Variants in UBXN11 observed in about 807,000 individuals in gnomAD.
UBXN11 encodes UBX domain protein 11.
In UBXN11, 47 loss-of-function variants were observed where a neutral mutation model predicts 62.8. The ratio of observed to expected loss-of-function variants is 0.75; its 90% CI spans 0.59 to 0.95. The LOEUF is 0.95. Among genes scored for constraint, UBXN11 ranks in the 40% least tolerant of loss-of-function variants. The pLI, the probability that UBXN11 is intolerant of heterozygous loss-of-function variation, is 0.00. For synonymous variants in UBXN11, 294 were observed against 267.0 expected (o/e 1.10, Z -0.99); for missense variants, 638 against 661.7 (o/e 0.96, Z 0.39).
intron 3 of UBXN11, 39 bp downstream of exon 3, chr1:26,301,655 A>C: frequency 6.2e-7 from 1 of 1,611,972 alleles, no homozygotes; most frequent in Non-Finnish European, 8.5e-7. Flanking sequence ...GTGCAAGCAC[A>C]TGAGAGGCGA....
intron 1 of UBXN11, among the ~76,000 whole-genome samples, chr1:26,316,596 A>C (rs973945515): frequency 3.3e-5 from 5 of 152,164 alleles, no homozygotes; most frequent in Non-Finnish European, 7.4e-5. Flanking sequence ...TCAAGGTCAA[A>C]TGAGACTGGC....
At chr1:26,289,227 T>C in intron 8 of UBXN11, among the ~76,000 whole-genome samples, 1 of 152,116 alleles carries the variant, frequency 6.6e-6, no homozygotes, top group East Asian at 1.9e-4. Flanking sequence ...ACGATAAAAG[T>C]TTCCACACTT....
chr1:26,305,980 A>C (rs1437149114), intron 1 of UBXN11, among the ~76,000 whole-genome samples: 1 of 152,176 alleles, frequency 6.6e-6, no homozygotes, highest in Non-Finnish European at 1.5e-5. Flanking sequence ...AGTCCGACAC[A>C]TTGTCTCCAG....
rs765119218 is a variant in UBXN11 at position 26,294,205 on chromosome 1, C to T, written c.559G>A (p.Gly187Arg). ...WMTAKKFWKP[G>R]DSLAPPEVDF... Reference sequence around the variant, plus strand: ...GCCTGGGGCAGACGCCCTGCTCTACCTGGCTTCCAGAACTTCTTGGCTGTC... The same window carrying T: ...GCCTGGGGCAGACGCCCTGCTCTACTTGGCTTCCAGAACTTCTTGGCTGTC... Residue 187 changes from glycine to arginine, a missense_variant and splice_region_variant, in exon 8 of 15, where the codon GGG becomes AGG. Physicochemically the swap from Gly to Arg is moderately radical, Grantham distance 125 (BLOSUM62 -2). Coordinates refer to ENST00000374222, the MANE Select transcript of UBXN11 (RefSeq NM_001389556.1). 7 of 1,613,852 alleles carry T rather than the reference C, an allele frequency of 4.3e-6. No homozygotes were observed. In the Admixed American group the frequency reaches 6.7e-5, roughly 15 times the overall value.
chr1:26,309,251 T>C (rs554162639), upstream of UBXN11, among the ~76,000 whole-genome samples: 4 of 134,788 alleles, frequency 3.0e-5, no homozygotes, highest in East Asian at 8.7e-4. Flanking sequence ...ATTGATTTTT[T>C]TTTTTTTTGA....
upstream of UBXN11, among the ~76,000 whole-genome samples, chr1:26,311,376 A>G (rs6598960): frequency 0.87 from 132,311 of 151,428 alleles, 58,742 homozygotes; most frequent in Non-Finnish European, 0.93. Flanking sequence ...TCCTGACCTC[A>G]TGATCCACCC....
At chr1:26,302,759 ATAG>A in intron 2 of UBXN11, 51 bp downstream of exon 2, 1 of 1,578,574 alleles carries the variant, frequency 6.3e-7, no homozygotes, top group Non-Finnish European at 8.7e-7. Flanking sequence ...CCATGGAAGG[ATAG>A]AAGAGGATAC....
intron 5 of UBXN11, 120 bp from the exon 6 acceptor site, chr1:26,297,601 T>A: frequency 8.2e-7 from 1 of 1,223,764 alleles, no homozygotes; most frequent in Non-Finnish European, 1.1e-6. Flanking sequence ...CTGCCACCCT[T>A]TGGCACAGCC....
chr1:26,318,032 C>T lies in UBXN11; in HGVS notation c.-149+15G>A, dbSNP rs752492471. The T allele has an allele frequency of 1.3e-5, 21 of 1,614,214 alleles. No individual in the cohort carries two copies. The Admixed American group carries it at 3.3e-4, about 26-fold the overall frequency. On this transcript the variant is annotated intron_variant, in intron 1 of 14. Coordinates refer to the UBXN11 transcript ENST00000374217. ...ATCCTACCAAAATGAAGCGCTTCCT[C>T]TTCCTCCTACTCACCATCAGCCTCC...
intron 10 of UBXN11, 100 bp from the exon 11 acceptor site, chr1:26,284,582 C>A: frequency 6.9e-7 from 1 of 1,447,864 alleles, no homozygotes; most frequent in South Asian, 1.5e-5. Context: ...AGGGTATGGT[C>A]TAATGCAACC....
chr1:26,294,431 G>A, intron 7 of UBXN11, 100 bp from the exon 8 acceptor site: 3 of 1,526,180 alleles, frequency 2.0e-6, no homozygotes, highest in Non-Finnish European at 2.6e-6. Flanking sequence ...TGCAGGCAAT[G>A]GGGCCCCCAG....
exon 1 of UBXN11, chr1:26,318,116 C>T (rs1429324871): frequency 2.6e-6 from 4 of 1,561,988 alleles, no homozygotes; most frequent in South Asian, 1.1e-5. Context: ...CCCAAAGTTG[C>T]TTGGCATGGA....
At chr1:26,296,448 G>GAACT (rs1291024222) in intron 7 of UBXN11, among the ~76,000 whole-genome samples, 28 of 152,326 alleles carry the variant, frequency 1.8e-4, no homozygotes, top group African/African-American at 6.7e-4. Context: ...GAGGACAGTG[G>GAACT]AACTGACCTG....
At chr1:26,318,150 T>A (rs1269032788) in exon 1 of UBXN11, 2 of 1,207,266 alleles carry the variant, frequency 1.7e-6, no homozygotes, top group Admixed American at 3.5e-5. Flanking sequence ...GGATGTGAGC[T>A]CCCAGAGACC....
upstream of UBXN11, chr1:26,306,834 G>GGGTT (rs1553165093): frequency 1.7e-4 from 7 of 40,208 alleles, no homozygotes; most frequent in Non-Finnish European, 4.3e-4. Context: ...CGGGGTGGGG[G>GGGTT]GGGGGGGTGG....
intron 4 of UBXN11, among the ~76,000 whole-genome samples, chr1:26,299,413 G>A (rs550600100): frequency 6.6e-6 from 1 of 150,854 alleles, no homozygotes; most frequent in Non-Finnish European, 1.5e-5. Flanking sequence ...TTGAGAGGCT[G>A]AAGTGGGAGG....
At chr1:26,296,832 T>C in intron 7 of UBXN11, 87 bp downstream of exon 7, 1 of 1,391,914 alleles carries the variant, frequency 7.2e-7, no homozygotes, top group Non-Finnish European at 9.8e-7. Flanking sequence ...CCCAGAGAGG[T>C]GGGCTCGGAC....
At position 26,282,703 on chromosome 1, in the gene UBXN11, A is replaced by T. The variant is rs1305323916; in HGVS notation, c.1238T>A (p.Met413Lys). 6.2e-7 allele frequency: 1 copy of T among 1,614,184 alleles called. No individual in the cohort carries two copies. The highest frequency in any genetic ancestry group is 2.2e-5 in the East Asian group (1 of 44,880). ...CCCAATGGTGTTGTCAGGCTGCATC[A>T]TCAGTAGGAAGGCCTGTTCCCCATT... ...SENGEQAFLLMMQPDNTIGDV... is the reference protein window; with the variant it reads ...SENGEQAFLLKMQPDNTIGDV... Residue 413 changes from methionine (M) to lysine (K), a missense_variant, in exon 14 of 15, where the codon ATG (methionine) becomes AAG (lysine). Physicochemically the swap from Met to Lys is moderately conservative, Grantham distance 95. Coordinates refer to ENST00000374222, the MANE Select transcript of UBXN11 (RefSeq NM_001389556.1).
intron 4 of UBXN11, 50 bp from the exon 5 acceptor site, chr1:26,298,112 G>A: frequency 6.4e-7 from 1 of 1,573,202 alleles, no homozygotes; most frequent in Non-Finnish European, 8.6e-7. Context: ...CCGAGGCTGA[G>A]TTGTGGGGGG....
Sources: allele counts gnomAD v4.1 joint callset (sites outside exome capture counted in the v4.1 genomes callset), GRCh38; gene constraint gnomAD v4.1.1; transcripts MANE v1.5; gene names NCBI Gene and HGNC (gene_info 2026-07-23, HGNC 2026-07-21).